Variants in KAZN observed in about 807,000 individuals in gnomAD.
The protein encoded by KAZN is kazrin.
A neutral mutation model predicts 87.4 loss-of-function variants in KAZN; 40 were observed. That is an observed-to-expected ratio of 0.46 (90% CI 0.36 to 0.60). The LOEUF is 0.60. KAZN is among the 20% of genes least tolerant of loss of function. The pLI is 0.00. For synonymous variants in KAZN, 466 were observed against 458.3 expected, an observed-to-expected ratio of 1.02 and a Z score of -0.22; for missense variants, 898 against 1,073.9, an observed-to-expected ratio of 0.84 and a Z score of 2.29.
intron 2 of KAZN, among the ~76,000 whole-genome samples, chr1:14,970,793 A>T (rs1397738565): frequency 1.3e-5 from 2 of 152,206 alleles, no homozygotes; most frequent in African/African-American, 4.8e-5. Context: ...AAATGCACAG[A>T]CACCCTCTAG....
intron 1 of KAZN, among the ~76,000 whole-genome samples, chr1:14,937,637 C>T (rs1261509125): frequency 6.6e-6 from 1 of 152,224 alleles, no homozygotes; most frequent in East Asian, 1.9e-4. Context: ...CCTCAAGGGG[C>T]TGCATAAGCA....
intron 13 of KAZN, among the ~76,000 whole-genome samples, chr1:15,106,614 C>T (rs565547430): frequency 2.2e-4 from 34 of 152,198 alleles, no homozygotes; most frequent in Admixed American, 4.6e-4. Flanking sequence ...AAGAATGAGA[C>T]GAAATCAATG....
At chr1:14,220,088 T>G (rs1557570672) in intron 2 of KAZN, among the ~76,000 whole-genome samples, 1 of 152,182 alleles carries the variant, frequency 6.6e-6, no homozygotes, top group Non-Finnish European at 1.5e-5. Context: ...CCCTTTGGTG[T>G]CTTTTGGCTG....
chr1:14,965,836 T>A (rs1026219847), intron 2 of KAZN, among the ~76,000 whole-genome samples: 1 of 152,214 alleles, frequency 6.6e-6, no homozygotes, highest in Non-Finnish European at 1.5e-5. Context: ...CTTTTGCTCA[T>A]ATGGTTTAGA....
At chr1:14,624,957 AT>A (rs941894851) in intron 1 of KAZN, among the ~76,000 whole-genome samples, 2 of 152,090 alleles carry the variant, frequency 1.3e-5, no homozygotes, top group Admixed American at 6.5e-5. Context: ...CAGGGACAAC[AT>A]TTGGTTTTTG....
Position 14,586,785 on chromosome 1 carries a change from G to A in KAZN, c.250-12198G>A, listed in dbSNP as rs545247620. 1.7e-3 allele frequency among the ~76,000 whole-genome samples: 251 copies of A among 152,010 alleles called. 2 individuals are homozygous for A. The highest frequency in any genetic ancestry group is 5.4e-3 in the African/African-American group (225 of 41,448). On this transcript the variant is annotated intron_variant, in intron 2 of 16. Transcript: ENST00000636203. Reference sequence around the variant, plus strand: ...AAACTCTCGGGCTCAAGTGATCCTCGTACCTTGGCCTCTCAAAGTGCTGGG... The same window carrying A: ...AAACTCTCGGGCTCAAGTGATCCTCATACCTTGGCCTCTCAAAGTGCTGGG...
intron 1 of KAZN, among the ~76,000 whole-genome samples, chr1:14,155,243 A>G (rs6681369): frequency 0.18 from 26,799 of 152,054 alleles, 2,975 homozygotes; most frequent in East Asian, 0.33. Context: ...TTTGGGTTTC[A>G]TCATGGTTCA....
intron 1 of KAZN, chr1:14,945,888 G>A (rs113663821): frequency 8.0e-5 from 79 of 985,420 alleles, no homozygotes; most frequent in African/African-American, 4.7e-4. Flanking sequence ...CTTTCCTGTC[G>A]CCTCCATGGA....
At chr1:14,327,202 A>G (rs1049699307) in intron 2 of KAZN, among the ~76,000 whole-genome samples, 2 of 152,218 alleles carry the variant, frequency 1.3e-5, no homozygotes, top group African/African-American at 2.4e-5. Flanking sequence ...TATAAGTTAG[A>G]GTAGCTTTAA....
rs1417580528 is a variant in KAZN at position 13,958,447 on chromosome 1, A to G, written c.91+64691A>G. On this transcript the variant is annotated intron_variant, in intron 1 of 16. Coordinates refer to the KAZN transcript ENST00000636203. ...AAATTAGCCGGGCATAGTGGCGGGC[A>G]CCTGTAGTCCCAGCTATTCGGGAGG... Among the ~76,000 whole-genome samples, 6 of 151,442 alleles carry G rather than the reference A, an allele frequency of 4.0e-5. No homozygotes were observed. The South Asian group carries it at 1.0e-3, about 26-fold the overall frequency.
Position 14,246,739 on chromosome 1 carries a change from T to C in KAZN, c.249+66147T>C, listed in dbSNP as rs111317580. 3.4e-3 allele frequency among the ~76,000 whole-genome samples: 514 copies of C among 152,346 alleles called. 2 individuals are homozygous for C. Among genetic ancestry groups the C allele is most frequent in the African/African-American group, 0.012 (480 of 41,574 alleles). The stretch of plus-strand genomic sequence containing the variant: ...ATCTTCATAAACAGCCTAGTTTTAG[T>C]TGTGCAATGTTTCGAGCTTTATGAA... On this transcript the variant is annotated intron_variant, in intron 2 of 16. Transcript: ENST00000636203.
At chr1:14,360,553 G>C (rs1659417289) in intron 2 of KAZN, among the ~76,000 whole-genome samples, 1 of 152,036 alleles carries the variant, frequency 6.6e-6, no homozygotes, top group African/African-American at 2.4e-5. Context: ...GCCTTTTTGT[G>C]CATTTTTTTT....
At chr1:15,074,422 G>A (rs1639647038) in intron 8 of KAZN, among the ~76,000 whole-genome samples, 1 of 152,186 alleles carries the variant, frequency 6.6e-6, no homozygotes, top group African/African-American at 2.4e-5. Context: ...CAGGAAGGGA[G>A]AGGGGCACCA....
At chr1:13,894,477 A>G (rs1449464003) in intron 1 of KAZN, among the ~76,000 whole-genome samples, 1 of 152,084 alleles carries the variant, frequency 6.6e-6, no homozygotes, top group Non-Finnish European at 1.5e-5. Flanking sequence ...TGCTTAAGAC[A>G]TGCTTATGAT....
At chr1:14,543,547 A>T (rs1263554455) in intron 2 of KAZN, among the ~76,000 whole-genome samples, 1 of 152,208 alleles carries the variant, frequency 6.6e-6, no homozygotes, top group Non-Finnish European at 1.5e-5. Flanking sequence ...ATATCAGCTC[A>T]TTAAAAGGTG....
intron 8 of KAZN, among the ~76,000 whole-genome samples, chr1:15,084,401 C>CCT (rs1244796401): frequency 6.6e-6 from 1 of 152,188 alleles, no homozygotes; most frequent in African/African-American, 2.4e-5. Context: ...GAAGGGCCTC[C>CCT]CTCTACAAAA....
At chr1:14,863,374 T>C (rs3765383) in intron 1 of KAZN, among the ~76,000 whole-genome samples, 72,416 of 151,812 alleles carry the variant, frequency 0.48, 19,171 homozygotes, top group African/African-American at 0.7. Context: ...GATGCCAGGT[T>C]TCTGCTGTGT....
chr1:15,094,956 C>T lies in KAZN; in HGVS notation c.1547+23C>T, dbSNP rs1025833195. On this transcript the variant is annotated intron_variant, in intron 10 of 14. Coordinates refer to ENST00000376030, the MANE Select transcript of KAZN (RefSeq NM_201628.3). The surrounding 1 kb of genome is among the most constrained non-coding windows in gnomAD (Gnocchi z 4.5). ...CAGGTGAGCCCACCACGAGGGGCCC[C>T]GGGGGAGGAGAGAAAAAGTCATCCT... 2.7e-5 allele frequency: 41 copies of T among 1,511,388 alleles called. No homozygotes were observed. The highest frequency in any genetic ancestry group is 5.5e-5 in the African/African-American group (4 of 72,124). 93.6% of individuals were successfully genotyped at this position (1,511,388 alleles called of 1,614,324 possible). A position where few individuals can be genotyped will look rare whatever the true frequency, so the allele number is the denominator to read the frequency against.
chr1:14,070,959 T>C (rs1461028539), intron 1 of KAZN, among the ~76,000 whole-genome samples: 1 of 152,186 alleles, frequency 6.6e-6, no homozygotes, highest in African/African-American at 2.4e-5. Flanking sequence ...CATGGTGTCA[T>C]ATCGAATAAG....
Sources: gnomAD v4.1 joint callset for allele counts (sites outside exome capture counted in the v4.1 genomes callset) on GRCh38, gnomAD v4.1.1 for gene constraint, Gnocchi (gnomAD v3.1) non-coding constraint, MANE v1.5 for transcripts, NCBI Gene and HGNC (gene_info 2026-07-23, HGNC 2026-07-21) for gene names.